The following UBR1 variants were observed in gnomAD, a reference collection of about 807,000 sequenced individuals.
UBR1 encodes the protein ubiquitin protein ligase E3 component n-recognin 1, also known as E3 ubiquitin-protein ligase UBR1.
Under a neutral mutation model 242.1 loss-of-function variants are expected in UBR1, and 102 were observed. That is an observed-to-expected ratio of 0.42 (90% CI 0.36 to 0.50). The LOEUF is 0.50. UBR1 is among the 20% of genes least tolerant of loss of function. The pLI is 0.01. For synonymous variants in UBR1, 675 were observed against 684.8 expected (o/e 0.99, Z 0.22); for missense variants, 1,772 against 2,101.8 (o/e 0.84, Z 3.07).
intron 23 of UBR1, 57 bp downstream of exon 23, chr15:43,026,504 G>A: frequency 6.8e-7 from 1 of 1,480,520 alleles, no homozygotes; most frequent in South Asian, 1.1e-5. Context: ...ATTTTCTGTG[G>A]AGTTAGAAAG....
intron 1 of UBR1, among the ~76,000 whole-genome samples, chr15:43,087,585 T>C (rs749325770): frequency 9.9e-5 from 15 of 152,116 alleles, no homozygotes; most frequent in Non-Finnish European, 2.2e-4. Flanking sequence ...ATTAAAACTT[T>C]ATGGAAAATA....
chr15:43,086,728 G>C (rs538505449), intron 1 of UBR1, among the ~76,000 whole-genome samples: 1 of 152,328 alleles, frequency 6.6e-6, no homozygotes, highest in South Asian at 2.1e-4. Flanking sequence ...AACTGTTACA[G>C]ATGGCTTATT....
At chr15:43,066,239 CTTGTTTTTGTCATG>C (rs2033750712) in intron 6 of UBR1, among the ~76,000 whole-genome samples, 1 of 152,106 alleles carries the variant, frequency 6.6e-6, no homozygotes, top group African/African-American at 2.4e-5. Flanking sequence ...TTCCCCATTG[CTTGTTTTTGTCATG>C]TTTGTCAATA....
At chr15:43,026,693 G>T (rs773968111) in intron 22 of UBR1, 30 bp from the exon 23 acceptor site, 1 of 1,548,898 alleles carries the variant, frequency 6.5e-7, no homozygotes, top group South Asian at 1.1e-5. Flanking sequence ...AAGATGAACT[G>T]CAGTGTTCTT....
At chr15:42,970,744 CAG>C in intron 39 of UBR1, 137 bp from the exon 40 acceptor site, 1 of 790,386 alleles carries the variant, frequency 1.3e-6, no homozygotes, top group Non-Finnish European at 2.0e-6. Context: ...TTTTTTGAGA[CAG>C]AGTTTCGCTC....
At position 42,983,446 on chromosome 15, in the gene UBR1, T is replaced by A. The variant is rs183522682; in HGVS notation, c.4150+451A>T. Among the ~76,000 whole-genome samples the A allele has an allele frequency of 1.7e-4, 25 of 151,034 alleles. No individual in the cohort carries two copies. In the East Asian group the frequency reaches 4.7e-3, roughly 28 times the overall value. On this transcript the variant is annotated intron_variant, in intron 37 of 46. Transcript: ENST00000290650. ...GTGGAGGCAGGCGAATCACCAGAGG[T>A]CATGAATTCAAGACCAGCCTGGCCA...
intron 21 of UBR1, among the ~76,000 whole-genome samples, chr15:43,029,571 A>T (rs1258134133): frequency 6.6e-6 from 1 of 152,172 alleles, no homozygotes; most frequent in Non-Finnish European, 1.5e-5. Flanking sequence ...TCAGATTGGC[A>T]TCAGAATCTG....
intron 18 of UBR1, 46 bp downstream of exon 18, chr15:43,036,482 G>T: frequency 7.1e-7 from 1 of 1,398,730 alleles, no homozygotes. Context: ...AAGAATTCAA[G>T]AAGGAAGATG....
chr15:42,974,512 A>C (rs1233880188), intron 39 of UBR1, among the ~76,000 whole-genome samples: 1 of 152,090 alleles, frequency 6.6e-6, no homozygotes, highest in Non-Finnish European at 1.5e-5. Context: ...CAACCCTCCA[A>C]ATTTCTTCTC....
At chr15:43,072,812 A>G (rs1309852248) in intron 4 of UBR1, among the ~76,000 whole-genome samples, 2 of 152,328 alleles carry the variant, frequency 1.3e-5, no homozygotes, top group Admixed American at 6.5e-5. Flanking sequence ...ATGGTGTATT[A>G]CATTGATTGG....
chr15:42,958,129 A>G, intron 43 of UBR1, 39 bp from the exon 44 acceptor site: 3 of 1,496,352 alleles, frequency 2.0e-6, no homozygotes, highest in Non-Finnish European at 1.9e-6. Flanking sequence ...TTTTAGAGTA[A>G]ATAACCCCAG....
intron 35 of UBR1, among the ~76,000 whole-genome samples, chr15:42,988,331 G>C (rs1489634532): frequency 6.6e-6 from 1 of 151,790 alleles, no homozygotes; most frequent in Admixed American, 6.6e-5. Context: ...GTCTCACTCT[G>C]TTGCCCAGGC....
At chr15:43,034,059 G>A (rs1196135756) in intron 19 of UBR1, among the ~76,000 whole-genome samples, 2 of 152,048 alleles carry the variant, frequency 1.3e-5, no homozygotes, top group Admixed American at 1.3e-4. Flanking sequence ...CCAACATGGT[G>A]AAACCCCGTC....
chr15:42,988,281 G>T (rs1403529089), intron 35 of UBR1, among the ~76,000 whole-genome samples: 1 of 151,758 alleles, frequency 6.6e-6, no homozygotes, highest in African/African-American at 2.4e-5. Flanking sequence ...GTGTGTGTGT[G>T]TGTGTGTGTG....
At chr15:42,979,014 C>T (rs2032334327) in intron 37 of UBR1, among the ~76,000 whole-genome samples, 1 of 151,358 alleles carries the variant, frequency 6.6e-6, no homozygotes, top group African/African-American at 2.4e-5. Flanking sequence ...CTTGCCTCAG[C>T]CTCCCGAGTA....
rs932030663 is a variant in UBR1 at position 43,020,195 on chromosome 15, A to G, written c.2940+1080T>C. On this transcript the variant is annotated intron_variant, in intron 27 of 46. Coordinates refer to ENST00000290650, the MANE Select transcript of UBR1 (RefSeq NM_174916.3). ...GCTAGGACTACAGGTGTGCCCCACC[A>G]TGCCTGGCTAATTTTTTGTATTTTT... 4.6e-5 allele frequency among the ~76,000 whole-genome samples: 7 copies of G among 152,144 alleles called. 1 individual carries two copies. The highest frequency in any genetic ancestry group is 3.9e-4 in the Admixed American group (6 of 15,288).
intron 22 of UBR1, 125 bp downstream of exon 22, chr15:43,027,651 A>C: frequency 1.2e-6 from 1 of 819,314 alleles, no homozygotes; most frequent in Non-Finnish European, 2.0e-6. Flanking sequence ...CACCCTTTCT[A>C]ATCTGTATTC....
intron 17 of UBR1, among the ~76,000 whole-genome samples, chr15:43,037,000 T>G (rs1265047455): frequency 2.0e-5 from 3 of 151,736 alleles, no homozygotes; most frequent in Non-Finnish European, 4.4e-5. Flanking sequence ...GGTAAACGCA[T>G]AATACCATTT....
chr15:42,953,074 T>C (rs762425245), intron 44 of UBR1, among the ~76,000 whole-genome samples: 15 of 152,110 alleles, frequency 9.9e-5, no homozygotes, highest in South Asian at 4.2e-4. Flanking sequence ...AAATGAGAGA[T>C]TGTAGCCTTT....
Sources: gnomAD v4.1 joint callset for allele counts (sites outside exome capture counted in the v4.1 genomes callset) on GRCh38, gnomAD v4.1.1 for gene constraint, MANE v1.5 for transcripts, NCBI Gene and HGNC (gene_info 2026-07-23, HGNC 2026-07-21) for gene names.